The following OLFM3 variants were observed in gnomAD, a reference collection of about 807,000 sequenced individuals.
The protein encoded by OLFM3 is olfactomedin 3, also known as noelin-3.
In OLFM3, 20 loss-of-function variants were observed where a neutral mutation model predicts 48.6. The observed-to-expected ratio is 0.41, with a 90% CI of 0.29 to 0.60. OLFM3 has a LOEUF of 0.60. Ranked by LOEUF, OLFM3 falls within the 20% of genes least tolerant of loss-of-function variation. The pLI is 0.28. For missense variants in OLFM3, 437 were observed against 544.3 expected (o/e 0.80, Z 1.96); for synonymous variants, 222 against 198.1 (o/e 1.12, Z -1.01).
rs567918145 is a variant in OLFM3 at position 101,833,009 on chromosome 1, G to A, written c.217-2182C>T. On this transcript the variant is annotated intron_variant, in intron 2 of 5. Coordinates refer to ENST00000370103, the MANE Select transcript of OLFM3 (RefSeq NM_058170.4). ...ATTTGCATTAAAAAAAACTGTCTAC[G>A]TATTTAAATATGGCATTTGTCTGTG... is the stretch of plus-strand genomic sequence containing the variant. Among the ~76,000 whole-genome samples the A allele has an allele frequency of 9.9e-5, 15 of 152,182 alleles. No homozygotes were observed. In the South Asian group the frequency reaches 1.7e-3, roughly 17 times the overall value.
chr1:101,851,841 G>A (rs550215767), intron 1 of OLFM3, among the ~76,000 whole-genome samples: 62 of 152,048 alleles, frequency 4.1e-4, no homozygotes, highest in Admixed American at 2.0e-3. Context: ...TAAATCAGTT[G>A]TTTTGGACAA....
chr1:101,842,496 G>A (rs1446625739), intron 1 of OLFM3, among the ~76,000 whole-genome samples: 5 of 152,146 alleles, frequency 3.3e-5, no homozygotes, highest in Non-Finnish European at 7.4e-5. Context: ...ACAGTGAGCC[G>A]AGATAGTGCC....
chr1:101,926,157 T>C (rs976779867), intron 1 of OLFM3, among the ~76,000 whole-genome samples: 1 of 152,192 alleles, frequency 6.6e-6, no homozygotes, highest in South Asian at 2.1e-4. Context: ...AACTAGATCA[T>C]TAAAATATTA....
At chr1:101,911,583 A>T (rs1360633676) in intron 1 of OLFM3, among the ~76,000 whole-genome samples, 2 of 152,232 alleles carry the variant, frequency 1.3e-5, no homozygotes, top group South Asian at 2.1e-4. Flanking sequence ...ACCCAAGTTT[A>T]ACCTCGCAAC....
intron 4 of OLFM3, among the ~76,000 whole-genome samples, chr1:101,819,196 A>G (rs553519983): frequency 6.6e-6 from 1 of 152,178 alleles, no homozygotes; most frequent in South Asian, 2.1e-4. Context: ...GAGCAAGTTC[A>G]ATGTCAAGAA....
At chr1:101,909,143 T>C (rs1014964667) in intron 1 of OLFM3, among the ~76,000 whole-genome samples, 1 of 152,224 alleles carries the variant, frequency 6.6e-6, no homozygotes, top group Admixed American at 6.5e-5. Flanking sequence ...CCCTGGGGCT[T>C]CTCTGCTGCC....
At chr1:101,945,627 A>C (rs1421690649) in intron 1 of OLFM3, among the ~76,000 whole-genome samples, 1 of 152,068 alleles carries the variant, frequency 6.6e-6, no homozygotes, top group Non-Finnish European at 1.5e-5. Flanking sequence ...ATAAAACTGT[A>C]CACTTATCTT....
chr1:101,961,680 A>G (rs1006344095), intron 1 of OLFM3, among the ~76,000 whole-genome samples: 7 of 152,178 alleles, frequency 4.6e-5, no homozygotes, highest in Admixed American at 4.6e-4. Context: ...GCGAGGAGAG[A>G]CTATGCATTA....
chr1:101,907,780 T>A (rs1557725755), intron 1 of OLFM3, among the ~76,000 whole-genome samples: 1 of 152,216 alleles, frequency 6.6e-6, no homozygotes, highest in Non-Finnish European at 1.5e-5. Flanking sequence ...AGAAGATTCT[T>A]TTTTGCAAAA....
intron 1 of OLFM3, among the ~76,000 whole-genome samples, chr1:101,885,209 A>G (rs1164768209): frequency 6.6e-6 from 1 of 152,022 alleles, no homozygotes; most frequent in African/African-American, 2.4e-5. Flanking sequence ...GGGTTTTCAG[A>G]TATAGATTTT....
intron 1 of OLFM3, among the ~76,000 whole-genome samples, chr1:101,851,505 A>C (rs1656219929): frequency 6.6e-6 from 1 of 152,126 alleles, no homozygotes; most frequent in Non-Finnish European, 1.5e-5. Flanking sequence ...AGCTTTGCAA[A>C]GGGGTAGCTG....
chr1:101,913,027 CA>C (rs1178670791), intron 1 of OLFM3, among the ~76,000 whole-genome samples: 1 of 151,730 alleles, frequency 6.6e-6, no homozygotes, highest in African/African-American at 2.4e-5. Context: ...AATTTCAAAG[CA>C]AAAAAAGATT....
At chr1:101,871,085 T>C (rs1570580855) in intron 1 of OLFM3, among the ~76,000 whole-genome samples, 3 of 152,284 alleles carry the variant, frequency 2.0e-5, no homozygotes, top group Admixed American at 2.0e-4. Context: ...TATTTTTTAA[T>C]AGTTTAGTTT....
chr1:101,988,039 A>G (rs947488085), intron 1 of OLFM3, among the ~76,000 whole-genome samples: 6 of 152,108 alleles, frequency 3.9e-5, no homozygotes, highest in Non-Finnish European at 7.4e-5. Context: ...AATGTAGTAG[A>G]AAAATGGAGG....
intron 4 of OLFM3, 94 bp from the exon 5 acceptor site, chr1:101,806,276 C>G: frequency 1.2e-6 from 1 of 866,564 alleles, no homozygotes; most frequent in Admixed American, 1.9e-5. Flanking sequence ...GATCATAAAA[C>G]TAAGCCAATC....
chr1:101,896,640 G>A (rs932099020), intron 1 of OLFM3, among the ~76,000 whole-genome samples: 2 of 148,872 alleles, frequency 1.3e-5, no homozygotes, highest in African/African-American at 4.9e-5. Flanking sequence ...GACTACAGGC[G>A]CCGGCCACCA....
intron 1 of OLFM3, among the ~76,000 whole-genome samples, chr1:101,938,223 G>T (rs1659682244): frequency 6.6e-6 from 1 of 152,094 alleles, no homozygotes; most frequent in South Asian, 2.1e-4. Flanking sequence ...CCACTATTGT[G>T]CTTTCTATTT....
At chr1:101,880,877 T>G (rs1657500315) in intron 1 of OLFM3, among the ~76,000 whole-genome samples, 1 of 151,840 alleles carries the variant, frequency 6.6e-6, no homozygotes, top group Non-Finnish European at 1.5e-5. Context: ...TAAAGCAGAA[T>G]CAAAGCTCCT....
At chr1:101,992,723 G>A (rs562969776) in intron 1 of OLFM3, among the ~76,000 whole-genome samples, 2 of 151,784 alleles carry the variant, frequency 1.3e-5, no homozygotes, top group East Asian at 3.9e-4. Context: ...GGCAGTTTAA[G>A]TCTGATTATT....
Sources: gnomAD v4.1 joint callset for allele counts (sites outside exome capture counted in the v4.1 genomes callset) on GRCh38, gnomAD v4.1.1 for gene constraint, MANE v1.5 for transcripts, NCBI Gene and HGNC (gene_info 2026-07-23, HGNC 2026-07-21) for gene names.